Variants in OLFM3 observed in about 807,000 individuals in gnomAD.
The protein encoded by OLFM3 is noelin-3.
A neutral mutation model predicts 48.6 loss-of-function variants in OLFM3; 20 were observed. The observed-to-expected ratio is 0.41, with a 90% CI of 0.29 to 0.60. The LOEUF (loss-of-function observed/expected upper bound fraction) is 0.60. Ranked by LOEUF, OLFM3 falls within the 20% of genes least tolerant of loss-of-function variation. The pLI, the probability that OLFM3 is intolerant of heterozygous loss-of-function variation, is 0.28. For synonymous variants in OLFM3, 222 were observed against 198.1 expected (o/e 1.12, Z -1.01); for missense variants, 437 against 544.3 (o/e 0.80, Z 1.96).
At chr1:101,864,402 C>T (rs1407761291) in intron 1 of OLFM3, among the ~76,000 whole-genome samples, 1 of 152,124 alleles carries the variant, frequency 6.6e-6, no homozygotes, top group African/African-American at 2.4e-5. Context: ...AGCTCAGCTA[C>T]CTCAATCTAT....
At chr1:101,891,406 T>G (rs886839148) in intron 1 of OLFM3, among the ~76,000 whole-genome samples, 2 of 152,060 alleles carry the variant, frequency 1.3e-5, no homozygotes, top group East Asian at 1.9e-4. Flanking sequence ...ATGAATAACA[T>G]GCTAGTTATT....
In OLFM3 at chr1:101,847,162, T is replaced by A. The variant is rs113535372; in HGVS notation, c.70-10137A>T. 1.7e-4 allele frequency: 97 copies of A among 572,946 alleles called. 1 individual carries two copies. In the African/African-American group the frequency reaches 1.9e-3, roughly 11 times the overall value. 35.5% of individuals were successfully genotyped at this position (572,946 alleles called of 1,614,324 possible). A position where few individuals can be genotyped will look rare whatever the true frequency, so the allele number is the denominator to read the frequency against. ...CGTGGGAAGTGCCCTGCCCTTCTTTTTCCTCCCTTACCAGACATTTTGCTG... is the reference window on the plus strand; with the variant it reads ...CGTGGGAAGTGCCCTGCCCTTCTTTATCCTCCCTTACCAGACATTTTGCTG... On this transcript the variant is annotated intron_variant, in intron 1 of 5. Transcript: ENST00000370103.
chr1:101,949,511 CA>C (rs1394694193), intron 1 of OLFM3, among the ~76,000 whole-genome samples: 1 of 152,178 alleles, frequency 6.6e-6, no homozygotes, highest in African/African-American at 2.4e-5. Context: ...TCCATCTGTA[CA>C]AATATACATT....
chr1:101,950,609 T>G (rs1202456522), intron 1 of OLFM3, among the ~76,000 whole-genome samples: 1 of 152,042 alleles, frequency 6.6e-6, no homozygotes, highest in Admixed American at 6.6e-5. Flanking sequence ...CGGCTAATTT[T>G]TTTTTTTGGT....
rs75447955 is a variant in OLFM3, at chr1:101,831,162, A to C, written c.217-335T>G. Among the ~76,000 whole-genome samples, 164 of 152,364 alleles carry C rather than the reference A, an allele frequency of 1.1e-3. 2 individuals carry two copies. In the East Asian group the frequency reaches 0.029, roughly 27 times the overall value. On this transcript the variant is annotated intron_variant, in intron 2 of 5. Coordinates refer to ENST00000370103, the MANE Select transcript of OLFM3 (RefSeq NM_058170.4). ...AGCTAATAACATCCCAACCTGTTAAATGTCAAAATAAGTTGTTTCTGTAAG... is the reference window on the plus strand; with the variant it reads ...AGCTAATAACATCCCAACCTGTTAACTGTCAAAATAAGTTGTTTCTGTAAG...
At chr1:101,936,609 T>C (rs1380459521) in intron 1 of OLFM3, among the ~76,000 whole-genome samples, 2 of 152,214 alleles carry the variant, frequency 1.3e-5, no homozygotes, top group African/African-American at 2.4e-5. Flanking sequence ...AAAATGATTT[T>C]AAAGTTTATA....
Position 101,834,272 on chromosome 1 carries a change from C to A in OLFM3, c.216+2607G>T, listed in dbSNP as rs553023860. On this transcript the variant is annotated intron_variant, in intron 2 of 5. Coordinates refer to ENST00000370103, the MANE Select transcript of OLFM3 (RefSeq NM_058170.4). ...GGAAAGTTTTCAACCTAAAAACCAC[C>A]AGTTTTCTTTTACATAAACTTAGAA... Among the ~76,000 whole-genome samples, 4 of 152,212 alleles carry A rather than the reference C, an allele frequency of 2.6e-5. No individual in the cohort carries two copies. In the South Asian group the frequency reaches 8.3e-4, roughly 32 times the overall value.
At chr1:101,826,634 G>A (rs999407528) in intron 3 of OLFM3, among the ~76,000 whole-genome samples, 2 of 152,184 alleles carry the variant, frequency 1.3e-5, no homozygotes, top group African/African-American at 4.8e-5. Flanking sequence ...TTGTTCACAT[G>A]TACATATTGA....
chr1:101,838,613 G>A (rs1655550871), intron 1 of OLFM3, among the ~76,000 whole-genome samples: 1 of 152,098 alleles, frequency 6.6e-6, no homozygotes, highest in Admixed American at 6.5e-5. Context: ...AGCTTCTCCT[G>A]ATATTCCATT....
At chr1:101,891,973 G>A (rs1202751060) in intron 1 of OLFM3, among the ~76,000 whole-genome samples, 2 of 151,778 alleles carry the variant, frequency 1.3e-5, no homozygotes, top group Non-Finnish European at 2.9e-5. Context: ...TCGTCTTTAG[G>A]TACACTACGG....
rs1307563192 is a variant in OLFM3, at chr1:101,957,993, G to A, written c.69+38755C>T. 9.2e-5 allele frequency among the ~76,000 whole-genome samples: 14 copies of A among 152,182 alleles called. 1 individual carries two copies. In the East Asian group the frequency reaches 2.5e-3, roughly 27 times the overall value. ...AAGAGGTGCAGCAACTGTGGATTGT[G>A]CTATGATTTATGTGGCTAAATGAAT... On this transcript the variant is annotated intron_variant, in intron 1 of 5. Coordinates refer to ENST00000370103, the MANE Select transcript of OLFM3 (RefSeq NM_058170.4).
At chr1:101,934,696 T>C (rs1314004265) in intron 1 of OLFM3, among the ~76,000 whole-genome samples, 1 of 151,918 alleles carries the variant, frequency 6.6e-6, no homozygotes, top group Admixed American at 6.6e-5. Flanking sequence ...GCATATATTC[T>C]AAAATCAACC....
chr1:101,832,194 G>A (rs1198332393), intron 2 of OLFM3, among the ~76,000 whole-genome samples: 2 of 151,982 alleles, frequency 1.3e-5, no homozygotes, highest in Non-Finnish European at 2.9e-5. Flanking sequence ...CAGCCAATCT[G>A]TTTATTCTAA....
chr1:101,873,620 G>C (rs1330913911), intron 1 of OLFM3, among the ~76,000 whole-genome samples: 2 of 151,580 alleles, frequency 1.3e-5, no homozygotes, highest in African/African-American at 2.4e-5. Flanking sequence ...GTAGATCTGA[G>C]TTTAATTTTT....
chr1:101,837,116 T>C (rs1032531818), intron 1 of OLFM3, 91 bp from the exon 2 acceptor site: 7 of 1,302,256 alleles, frequency 5.4e-6, no homozygotes, highest in South Asian at 1.5e-5. Flanking sequence ...AAACACTTTT[T>C]TGATAATTTA....
chr1:101,825,232 T>C lies in OLFM3; in HGVS notation c.386A>G (p.Lys129Arg), dbSNP rs1654806677. 6.2e-7 allele frequency: 1 copy of C among 1,613,652 alleles called. No individual in the cohort carries two copies. The highest frequency in any genetic ancestry group is 1.7e-5 in the Admixed American group (1 of 59,962). The change falls in exon 4 of 6, where the codon AAA becomes AGA. Residue 129 changes from lysine (K) to arginine (R), a missense_variant. Physicochemically the swap from Lys to Arg is conservative, Grantham distance 26. Around this residue, in one of 3 missense-constraint regions of OLFM3, gnomAD observed 314 missense variants for 365.5 expected, o/e 0.86. Coordinates refer to ENST00000370103, the MANE Select transcript of OLFM3 (RefSeq NM_058170.4). ...GATCAAAGGCAGGAGCTCGTCCATT[T>C]TCTCTTTCAACTCCTGTGAAAAGCA... ...MTKHFQELKE[K>R]MDELLPLIPV...
chr1:101,959,625 G>T (rs1337085143), intron 1 of OLFM3, among the ~76,000 whole-genome samples: 2 of 152,070 alleles, frequency 1.3e-5, no homozygotes, highest in Non-Finnish European at 2.9e-5. Context: ...GTTGCCGTTG[G>T]GTTGCAATAC....
intron 4 of OLFM3, among the ~76,000 whole-genome samples, chr1:101,819,442 T>G (rs1377859115): frequency 6.6e-6 from 1 of 152,040 alleles, no homozygotes; most frequent in African/African-American, 2.4e-5. Context: ...TTTTTAGTGA[T>G]GGAGAGCCAA....
intron 1 of OLFM3, among the ~76,000 whole-genome samples, chr1:101,869,886 C>A (rs4908197): frequency 0.25 from 38,736 of 152,012 alleles, 6,408 homozygotes; most frequent in Non-Finnish European, 0.38. Context: ...TGTAAGTTTC[C>A]TGAGGCCTCC....
Sources: gnomAD v4.1 joint callset for allele counts (sites outside exome capture counted in the v4.1 genomes callset) on GRCh38, gnomAD v4.1.1 for gene constraint, gnomAD v4.1.1 regional missense constraint, MANE v1.5 for transcripts, NCBI Gene and HGNC (gene_info 2026-07-23, HGNC 2026-07-21) for gene names.